UTP20: variants seen among roughly 807,000 people sequenced by gnomAD.
The protein encoded by UTP20 is UTP20 small subunit processome component, also known as small subunit processome component 20 homolog.
UTP20 carries 164 observed loss-of-function variants against 329.5 expected under a neutral mutation model. The ratio of observed to expected loss-of-function variants is 0.50; its 90% CI spans 0.44 to 0.57. The LOEUF (loss-of-function observed/expected upper bound fraction) is 0.57, where lower values mean the gene tolerates loss of function less well. Among genes scored for constraint, UTP20 ranks in the 20% least tolerant of loss-of-function variants. The probability of loss-of-function intolerance (pLI) is 0.00; values close to 1 mark genes in which losing one functional copy is unlikely to be tolerated. For synonymous variants in UTP20, 1,151 were observed against 1,159.3 expected (o/e 0.99, Z 0.14); for missense variants, 3,055 against 3,284.2 (o/e 0.93, Z 1.71).
Position 101,381,071 on chromosome 12 carries a change from G to A in UTP20, c.7585-69G>A. ...ACGTTAGTTGTATTACAGTTATTAT[G>A]TTTAGCTTTTTAAAAACAATCAGAA... On this transcript the variant is annotated intron_variant, in intron 57 of 61. Transcript: ENST00000261637. The A allele has an allele frequency of 4.6e-6, 6 of 1,318,528 alleles. No homozygotes were observed. The South Asian group carries it at 7.1e-5, about 15-fold the overall frequency. The allele number at this position is 1,318,528 out of a possible 1,614,324, so 81.7% of individuals were successfully genotyped here.
chr12:101,366,417 G>C (rs993991495), intron 46 of UTP20, 141 bp from the exon 47 acceptor site: 2 of 919,864 alleles, frequency 2.2e-6, no homozygotes, highest in African/African-American at 3.3e-5. Flanking sequence ...TCATGGTTTG[G>C]GGGTTTGGGG....
intron 12 of UTP20, among the ~76,000 whole-genome samples, chr12:101,296,605 G>T (rs2137239571): frequency 6.8e-6 from 1 of 146,016 alleles, no homozygotes; most frequent in South Asian, 2.2e-4. Context: ...AAAATTAGGT[G>T]GGTGTGGTAG....
At chr12:101,363,331 T>G (rs1869988331) in intron 44 of UTP20, among the ~76,000 whole-genome samples, 1 of 152,204 alleles carries the variant, frequency 6.6e-6, no homozygotes, top group South Asian at 2.1e-4. Context: ...CTGTGAAGGA[T>G]TTTTCTTTGT....
intron 2 of UTP20, among the ~76,000 whole-genome samples, chr12:101,282,951 G>T (rs61556242): frequency 0.039 from 5,888 of 152,248 alleles, 369 homozygotes; most frequent in African/African-American, 0.13. Context: ...AAGGCTGAAT[G>T]GTTGAGGATG....
intron 32 of UTP20, 90 bp from the exon 33 acceptor site, chr12:101,342,356 A>G (rs1465165688): frequency 9.4e-7 from 1 of 1,061,788 alleles, no homozygotes; most frequent in Non-Finnish European, 1.3e-6. Flanking sequence ...TCTTATTCAC[A>G]ATTGTTTTCT....
rs542444107 is a variant in UTP20, at chr12:101,280,242, A to G, written c.-41A>G. 12 of 1,551,368 alleles carry G rather than the reference A, an allele frequency of 7.7e-6. No homozygotes were observed. The East Asian group carries it at 2.0e-4, about 25-fold the overall frequency. On this transcript the variant is annotated 5_prime_UTR_variant, in exon 1 of 62. Coordinates refer to ENST00000261637, the MANE Select transcript of UTP20 (RefSeq NM_014503.3). Reference sequence around the variant, plus strand: ...CCTTACTGTCGGTTGCATCCCTTCGACACTCCCGAGGCCGTCGCGGGCCAC... The same window carrying G: ...CCTTACTGTCGGTTGCATCCCTTCGGCACTCCCGAGGCCGTCGCGGGCCAC...
intron 2 of UTP20, among the ~76,000 whole-genome samples, chr12:101,283,610 CGTT>C (rs1565783010): frequency 6.6e-6 from 1 of 152,148 alleles, no homozygotes; most frequent in African/African-American, 2.4e-5. Flanking sequence ...GCTAGAAATG[CGTT>C]CTGCATTTAA....
At chr12:101,373,071 C>A (rs1870345582) in intron 52 of UTP20, 108 bp downstream of exon 52, 1 of 899,156 alleles carries the variant, frequency 1.1e-6, no homozygotes, top group African/African-American at 1.7e-5. Context: ...GGTACATTCT[C>A]TGAGCATACT....
intron 40 of UTP20, 131 bp from the exon 41 acceptor site, chr12:101,354,701 C>T: frequency 1.1e-6 from 1 of 934,540 alleles, no homozygotes; most frequent in Non-Finnish European, 1.6e-6. Flanking sequence ...TCAGCACTTA[C>T]CTTGCCTGCC....
At chr12:101,375,881 G>GA (rs1431896071) in intron 56 of UTP20, 125 bp downstream of exon 56, 1 of 601,208 alleles carries the variant, frequency 1.7e-6, no homozygotes, top group Non-Finnish European at 2.8e-6. Context: ...GAGTCCATGA[G>GA]AAAAAACCTA....
intron 28 of UTP20, 73 bp downstream of exon 28, chr12:101,333,517 ACC>A (rs1868831324): frequency 6.5e-7 from 1 of 1,548,038 alleles, no homozygotes; most frequent in Admixed American, 1.9e-5. Flanking sequence ...CAACATAGCT[ACC>A]ACCCAGACAT....
At position 101,333,772 on chromosome 12, in the gene UTP20, T is replaced by C. The variant is rs2037131; in HGVS notation, c.3561+328T>C. The stretch of plus-strand genomic sequence containing the variant: ...CCTCCTGGATTCAAGAAAGAGATTC[T>C]CCTGCCTCAGCCTCCCAAGTAGCTG... On this transcript the variant is annotated intron_variant, in intron 28 of 61. Transcript: ENST00000261637. 4.8e-3 allele frequency among the ~76,000 whole-genome samples: 729 copies of C among 152,312 alleles called. 6 individuals carry two copies. Among genetic ancestry groups the C allele is most frequent in the African/African-American group, 0.016 (652 of 41,550 alleles).
chr12:101,377,132 G>A (rs1229605457), intron 56 of UTP20, among the ~76,000 whole-genome samples: 2 of 152,160 alleles, frequency 1.3e-5, no homozygotes, highest in Non-Finnish European at 2.9e-5. Context: ...TATTCACCTG[G>A]TTTAAGAGCC....
intron 54 of UTP20, among the ~76,000 whole-genome samples, chr12:101,374,523 G>A (rs189774614): frequency 1.3e-5 from 2 of 152,254 alleles, no homozygotes; most frequent in South Asian, 2.1e-4. Context: ...GGGTGGGCAT[G>A]AGACTTCTTT....
chr12:101,385,277 C>T (rs539955484), intron 60 of UTP20, among the ~76,000 whole-genome samples: 1 of 152,118 alleles, frequency 6.6e-6, no homozygotes, highest in East Asian at 1.9e-4. Context: ...GCCAGGTTTC[C>T]GCTGGGAAGT....
intron 12 of UTP20, among the ~76,000 whole-genome samples, chr12:101,298,094 AAT>A (rs1872415650): frequency 6.6e-6 from 1 of 152,204 alleles, no homozygotes; most frequent in African/African-American, 2.4e-5. Flanking sequence ...TGTGAGAAAA[AAT>A]AAAGATAATA....
At chr12:101,320,078 AT>A (rs1873099974) in intron 23 of UTP20, among the ~76,000 whole-genome samples, 1 of 152,356 alleles carries the variant, frequency 6.6e-6, no homozygotes, top group African/African-American at 2.4e-5. Flanking sequence ...GCAGAAAAAA[AT>A]TAATATCAGA....
chr12:101,368,155 T>G (rs1870161158), intron 48 of UTP20, among the ~76,000 whole-genome samples, 179 bp downstream of exon 48: 1 of 151,608 alleles, frequency 6.6e-6, no homozygotes, highest in Non-Finnish European at 1.5e-5. Flanking sequence ...AGAGTCTCAC[T>G]TTGTCACCTA....
chr12:101,352,761 T>G (rs1869576435), intron 39 of UTP20, among the ~76,000 whole-genome samples: 3 of 150,690 alleles, frequency 2.0e-5, no homozygotes, highest in Admixed American at 2.0e-4. Flanking sequence ...TGTATACATA[T>G]GTAACTAACC....
Sources: gnomAD v4.1 joint callset for allele counts (sites outside exome capture counted in the v4.1 genomes callset) on GRCh38, gnomAD v4.1.1 for gene constraint, MANE v1.5 for transcripts, NCBI Gene and HGNC (gene_info 2026-07-23, HGNC 2026-07-21) for gene names.